The following MCTP1 variants were observed in gnomAD, a reference collection of about 807,000 sequenced individuals.
MCTP1 encodes multiple C2 and transmembrane domain containing 1, also known as multiple C2 and transmembrane domain-containing protein 1.
In MCTP1, 69 loss-of-function variants were observed where a neutral mutation model predicts 120.6. That is an observed-to-expected ratio of 0.57 (90% confidence interval 0.47 to 0.70). The LOEUF (loss-of-function observed/expected upper bound fraction) is 0.70, where lower values mean the gene tolerates loss of function less well. MCTP1 is among the 30% of genes least tolerant of loss of function. MCTP1 has a pLI of 0.00. For synonymous variants in MCTP1, 529 were observed against 493.1 expected (o/e 1.07, Z -0.96); for missense variants, 1,203 against 1,248.8 (o/e 0.96, Z 0.55).
At chr5:95,024,560 T>C (rs1838843651) in intron 1 of MCTP1, among the ~76,000 whole-genome samples, 1 of 151,684 alleles carries the variant, frequency 6.6e-6, no homozygotes. Flanking sequence ...AAGACAAGGA[T>C]ACCCACTTTC....
intron 1 of MCTP1, among the ~76,000 whole-genome samples, chr5:95,170,476 T>C (rs1747101575): frequency 6.6e-6 from 1 of 152,216 alleles, no homozygotes; most frequent in African/African-American, 2.4e-5. Flanking sequence ...TTTAACTTTC[T>C]GTCTCGTTGA....
chr5:95,097,683 G>A (rs1420896637), intron 1 of MCTP1, among the ~76,000 whole-genome samples: 1 of 152,186 alleles, frequency 6.6e-6, no homozygotes, highest in Non-Finnish European at 1.5e-5. Flanking sequence ...GAGTGAATGC[G>A]AGCCCACCTG....
intron 5 of MCTP1, among the ~76,000 whole-genome samples, chr5:94,938,569 A>G (rs934133497): frequency 3.3e-5 from 5 of 151,948 alleles, no homozygotes; most frequent in African/African-American, 9.7e-5. Context: ...AAATTTTCCT[A>G]TATTTGCTCT....
At position 94,912,787 on chromosome 5, in the gene MCTP1, A is replaced by G. The variant is rs1413103872; in HGVS notation, c.1521+19T>C. On this transcript the variant is annotated intron_variant, in intron 9 of 22. Coordinates refer to ENST00000515393, the MANE Select transcript of MCTP1 (RefSeq NM_024717.7). ...ATGCCTTCCAAATATTGACAGGAAC[A>G]CAATAGAGACAAGGTTACCTTGCTC... 6.6e-7 allele frequency: 1 copy of G among 1,524,718 alleles called. No homozygotes were observed. Among genetic ancestry groups the G allele is most frequent in the African/African-American group, 1.4e-5 (1 of 70,582 alleles). The allele number at this position is 1,524,718 out of a possible 1,614,324, so 94.4% of individuals were successfully genotyped here. A position where few individuals can be genotyped will look rare whatever the true frequency, so the allele number is the denominator to read the frequency against.
At chr5:94,850,980 A>G (rs114687541) in intron 17 of MCTP1, among the ~76,000 whole-genome samples, 2,987 of 152,166 alleles carry the variant, frequency 0.02, 102 homozygotes, top group African/African-American at 0.068. Flanking sequence ...TATTTAGAGT[A>G]ATTTAGAGGT....
intron 17 of MCTP1, among the ~76,000 whole-genome samples, chr5:94,855,197 C>T (rs1198817998): frequency 6.6e-6 from 1 of 151,836 alleles, no homozygotes; most frequent in Non-Finnish European, 1.5e-5. Flanking sequence ...TTTCTTCTTT[C>T]TGCTCCATAC....
chr5:94,893,669 C>A (rs1803200917), intron 11 of MCTP1, among the ~76,000 whole-genome samples: 1 of 152,160 alleles, frequency 6.6e-6, no homozygotes, highest in South Asian at 2.1e-4. Flanking sequence ...TTAGTACCAG[C>A]ACTTCATGTT....
At chr5:95,119,453 A>G (rs1250841649) in intron 1 of MCTP1, among the ~76,000 whole-genome samples, 1 of 152,208 alleles carries the variant, frequency 6.6e-6, no homozygotes, top group Admixed American at 6.5e-5. Context: ...AGGCAAGCTA[A>G]CAATGCATCT....
rs1464240229 is a variant in MCTP1, at chr5:94,788,673, T to TCTCCCTCC, written c.2557-9518_2557-9511dup. The TCTCCCTCC allele has an allele frequency of 5.9e-5, 9 of 152,280 alleles. No homozygotes were observed. The East Asian group carries it at 1.7e-3, about 29-fold the overall frequency. The allele number at this position is 152,280 out of a possible 1,614,324, so 9.4% of individuals were successfully genotyped here. A position where few individuals can be genotyped will look rare whatever the true frequency, so the allele number is the denominator to read the frequency against. On this transcript the variant is annotated intron_variant, in intron 18 of 22. Coordinates refer to ENST00000515393, the MANE Select transcript of MCTP1 (RefSeq NM_024717.7). ...GAAGGTGCTTCTGTTGGCCCCTTTTTCTCCCTCCCTCCCTCCCCATGTTTA... is the reference window on the plus strand; with the variant it reads ...GAAGGTGCTTCTGTTGGCCCCTTTTTCTCCCTCCCTCCCTCCCTCCCTCCCCATGTTTA...
intron 1 of MCTP1, among the ~76,000 whole-genome samples, chr5:95,196,661 G>A (rs1000689706): frequency 5.3e-5 from 8 of 152,200 alleles, no homozygotes; most frequent in Non-Finnish European, 1.2e-4. Context: ...TATGAACAGT[G>A]AGGGTCAGTG....
intron 1 of MCTP1, among the ~76,000 whole-genome samples, chr5:95,240,673 G>T (rs920561096): frequency 2.6e-5 from 4 of 152,166 alleles, no homozygotes; most frequent in African/African-American, 9.7e-5. Flanking sequence ...TATCAAATCA[G>T]TGCAGGCTTA....
intron 18 of MCTP1, chr5:94,784,730 T>TA (rs763067681): frequency 6.6e-6 from 1 of 151,896 alleles, no homozygotes; most frequent in East Asian, 1.9e-4. Context: ...ACTGAACCAC[T>TA]AGATGTAATA....
chr5:94,995,919 C>T (rs577227646), intron 2 of MCTP1, among the ~76,000 whole-genome samples: 1 of 152,226 alleles, frequency 6.6e-6, no homozygotes, highest in African/African-American at 2.4e-5. Context: ...CCTTAAGAAA[C>T]CTTTTTGTCT....
At chr5:95,077,852 A>T (rs1468751897) in intron 1 of MCTP1, among the ~76,000 whole-genome samples, 1 of 152,232 alleles carries the variant, frequency 6.6e-6, no homozygotes, top group Non-Finnish European at 1.5e-5. Context: ...AGCTATGTTC[A>T]TTCCACATTG....
intron 1 of MCTP1, among the ~76,000 whole-genome samples, chr5:95,266,745 G>A (rs1758915200): frequency 6.6e-6 from 1 of 152,188 alleles, no homozygotes; most frequent in African/African-American, 2.4e-5. Context: ...GTAGTAGCTG[G>A]CTGGGGAGGT....
chr5:94,947,685 G>A (rs1160923827), intron 3 of MCTP1, among the ~76,000 whole-genome samples: 1 of 147,872 alleles, frequency 6.8e-6, no homozygotes, highest in Non-Finnish European at 1.5e-5. Context: ...ACATGATCAA[G>A]GTTTGCACTA....
chr5:95,077,795 A>T (rs1582184484), intron 1 of MCTP1, among the ~76,000 whole-genome samples: 1 of 152,174 alleles, frequency 6.6e-6, no homozygotes, highest in East Asian at 1.9e-4. Flanking sequence ...TAATTTTAAA[A>T]ACTAACATGA....
intron 1 of MCTP1, among the ~76,000 whole-genome samples, chr5:95,212,520 A>C (rs924248953): frequency 2.0e-5 from 3 of 152,188 alleles, no homozygotes; most frequent in African/African-American, 7.2e-5. Flanking sequence ...TTATGAGGCC[A>C]GCATCATACT....
At chr5:95,167,478 C>T (rs573870134) in intron 1 of MCTP1, among the ~76,000 whole-genome samples, 130 of 152,278 alleles carry the variant, frequency 8.5e-4, no homozygotes, top group Middle Eastern at 3.4e-3. Flanking sequence ...CCTGAGGAAT[C>T]GCCACACTGA....
Sources: allele counts gnomAD v4.1 joint callset (sites outside exome capture counted in the v4.1 genomes callset), GRCh38; gene constraint gnomAD v4.1.1; transcripts MANE v1.5; gene names NCBI Gene and HGNC (gene_info 2026-07-23, HGNC 2026-07-21).